The following CNTNAP2 variants were observed in gnomAD, a reference collection of about 807,000 sequenced individuals.
CNTNAP2 encodes the protein contactin-associated protein-like 2.
CNTNAP2 carries 98 observed loss-of-function variants against 155.2 expected under a neutral mutation model. The ratio of observed to expected loss-of-function variants is 0.63; its 90% CI spans 0.54 to 0.75. The LOEUF is 0.75. CNTNAP2 is among the 30% of genes least tolerant of loss of function. The pLI, the probability that CNTNAP2 is intolerant of heterozygous loss-of-function variation, is 0.00. For synonymous variants in CNTNAP2, 651 were observed against 631.2 expected (o/e 1.03, Z -0.47); for missense variants, 1,727 against 1,688.1 (o/e 1.02, Z -0.40).
At chr7:146,374,223 T>G (rs1795275348) in intron 1 of CNTNAP2, among the ~76,000 whole-genome samples, 1 of 152,258 alleles carries the variant, frequency 6.6e-6, no homozygotes, top group Non-Finnish European at 1.5e-5. Flanking sequence ...AATTCAAAAG[T>G]AAGTTAATTA....
chr7:147,530,006 T>C (rs1799402695), intron 11 of CNTNAP2, among the ~76,000 whole-genome samples: 1 of 152,156 alleles, frequency 6.6e-6, no homozygotes, highest in Admixed American at 6.5e-5. Flanking sequence ...CAGTGTATTA[T>C]CAATAATCGT....
intron 9 of CNTNAP2, among the ~76,000 whole-genome samples, chr7:147,344,231 T>C (rs774396609): frequency 6.6e-6 from 1 of 152,124 alleles, no homozygotes; most frequent in Non-Finnish European, 1.5e-5. Flanking sequence ...CTCACCATTT[T>C]CTCCCATCAC....
chr7:147,572,715 C>T (rs1800319142), intron 12 of CNTNAP2, among the ~76,000 whole-genome samples: 1 of 150,222 alleles, frequency 6.7e-6, no homozygotes, highest in African/African-American at 2.4e-5. Context: ...CACACACACA[C>T]ACACACACAC....
chr7:147,864,267 G>A (rs574736800), intron 13 of CNTNAP2, among the ~76,000 whole-genome samples: 1 of 152,266 alleles, frequency 6.6e-6, no homozygotes, highest in South Asian at 2.1e-4. Context: ...TGATGCCTCT[G>A]TTCTGTTCCA....
At chr7:148,318,795 A>G (rs1456736406) in intron 21 of CNTNAP2, among the ~76,000 whole-genome samples, 1 of 152,236 alleles carries the variant, frequency 6.6e-6, no homozygotes, top group East Asian at 1.9e-4. Flanking sequence ...TCTCCATGTG[A>G]CAAGGGGATT....
chr7:146,399,740 C>A (rs1795687084), intron 1 of CNTNAP2, among the ~76,000 whole-genome samples: 1 of 152,084 alleles, frequency 6.6e-6, no homozygotes, highest in South Asian at 2.1e-4. Flanking sequence ...TTTATGACTC[C>A]ATATTGTTTA....
chr7:148,183,475 C>CTTTT (rs71527885), intron 18 of CNTNAP2, among the ~76,000 whole-genome samples: 71 of 82,236 alleles, frequency 8.6e-4, no homozygotes, highest in African/African-American at 1.2e-3. Context: ...TACTTATTTG[C>CTTTT]TTTTTTTTTT....
chr7:146,573,469 A>G (rs1214695888), intron 1 of CNTNAP2, among the ~76,000 whole-genome samples: 1 of 152,018 alleles, frequency 6.6e-6, no homozygotes, highest in Non-Finnish European at 1.5e-5. Flanking sequence ...TGGTGATTGG[A>G]CAAAGAACTC....
At chr7:147,517,008 C>A (rs747485459) in intron 11 of CNTNAP2, among the ~76,000 whole-genome samples, 1 of 151,534 alleles carries the variant, frequency 6.6e-6, no homozygotes, top group African/African-American at 2.4e-5. Flanking sequence ...ATTGCAGGCA[C>A]CCACCACCAC....
At chr7:147,472,277 A>G (rs1798238616) in intron 10 of CNTNAP2, among the ~76,000 whole-genome samples, 1 of 128,154 alleles carries the variant, frequency 7.8e-6, no homozygotes, top group Non-Finnish European at 1.5e-5. Flanking sequence ...CAGTGGCATG[A>G]TCTCGGCTCA....
chr7:146,711,215 CAT>C (rs894462661), intron 1 of CNTNAP2, among the ~76,000 whole-genome samples: 94 of 147,774 alleles, frequency 6.4e-4, no homozygotes, highest in Non-Finnish European at 8.8e-4. Context: ...CACACATACA[CAT>C]ATATTTTATA....
At chr7:147,303,636 T>C (rs1481646310) in intron 9 of CNTNAP2, among the ~76,000 whole-genome samples, 1 of 152,236 alleles carries the variant, frequency 6.6e-6, no homozygotes, top group African/African-American at 2.4e-5. Flanking sequence ...ATACCTGATT[T>C]TGAATATGGC....
intron 21 of CNTNAP2, among the ~76,000 whole-genome samples, chr7:148,372,218 A>C (rs1798900212): frequency 6.6e-6 from 1 of 151,882 alleles, no homozygotes; most frequent in Non-Finnish European, 1.5e-5. Context: ...ATAAATAAAA[A>C]ATAAAAGTAA....
chr7:147,730,491 A>G (rs1288463733), intron 13 of CNTNAP2, among the ~76,000 whole-genome samples: 1 of 152,040 alleles, frequency 6.6e-6, no homozygotes, highest in African/African-American at 2.4e-5. Flanking sequence ...TACTATTATA[A>G]TTGTTTTGGG....
At chr7:146,192,971 G>A (rs778654291) in intron 1 of CNTNAP2, among the ~76,000 whole-genome samples, 14 of 152,130 alleles carry the variant, frequency 9.2e-5, no homozygotes, top group Non-Finnish European at 1.5e-4. Context: ...GCTACATGCC[G>A]CATGTGAAGC....
At chr7:146,912,030 C>T (rs1451310731) in intron 3 of CNTNAP2, among the ~76,000 whole-genome samples, 1 of 151,614 alleles carries the variant, frequency 6.6e-6, no homozygotes. Context: ...GCATGTGGTA[C>T]AGTATACAAT....
intron 9 of CNTNAP2, among the ~76,000 whole-genome samples, chr7:147,307,588 C>T (rs1440559489): frequency 7.4e-6 from 1 of 135,224 alleles, no homozygotes; most frequent in Non-Finnish European, 1.5e-5. Flanking sequence ...CATACCCCAC[C>T]TGCCCCCCCA....
At chr7:148,305,167 G>A (rs1237373537) in intron 21 of CNTNAP2, among the ~76,000 whole-genome samples, 1 of 134,976 alleles carries the variant, frequency 7.4e-6, no homozygotes, top group East Asian at 2.2e-4. Context: ...AGACTGCAGC[G>A]AGCTATGATA....
At chr7:147,986,442 T>C (rs1801618819) in intron 15 of CNTNAP2, among the ~76,000 whole-genome samples, 1 of 152,184 alleles carries the variant, frequency 6.6e-6, no homozygotes, top group Non-Finnish European at 1.5e-5. Context: ...GCTGTATATT[T>C]TTGCCTCACG....
Sources: allele counts gnomAD v4.1 joint callset (sites outside exome capture counted in the v4.1 genomes callset), GRCh38; gene constraint gnomAD v4.1.1; transcripts MANE v1.5; gene names NCBI Gene and HGNC (gene_info 2026-07-23, HGNC 2026-07-21).